The following SF3B1 variants were observed in gnomAD, a reference collection of about 807,000 sequenced individuals.
SF3B1 encodes the protein splicing factor 3b subunit 1.
A neutral mutation model predicts 153.8 loss-of-function variants in SF3B1; 12 were observed. The ratio of observed to expected loss-of-function variants is 0.08; its 90% CI spans 0.05 to 0.13. The LOEUF is 0.13. Ranked by LOEUF, SF3B1 falls within the 10% of genes least tolerant of loss-of-function variation. The pLI is 1.00. For missense variants in SF3B1, 513 were observed against 1,606.1 expected, an observed-to-expected ratio of 0.32 and a Z score of 11.63; for synonymous variants, 498 against 525.2, an observed-to-expected ratio of 0.95 and a Z score of 0.71.
intron 5 of SF3B1, among the ~76,000 whole-genome samples, chr2:197,418,081 C>G (rs954619018): frequency 2.6e-5 from 4 of 150,982 alleles, no homozygotes; most frequent in African/African-American, 9.7e-5. Context: ...ACTAAAAATA[C>G]AAAAATTAGC....
At chr2:197,404,512 G>A (rs1293618526) in intron 11 of SF3B1, among the ~76,000 whole-genome samples, 2 of 152,034 alleles carry the variant, frequency 1.3e-5, no homozygotes, top group Non-Finnish European at 2.9e-5. Context: ...AAGAGGCGGA[G>A]GTTGCAGTGA....
At chr2:197,425,338 C>T (rs891238390) in intron 1 of SF3B1, among the ~76,000 whole-genome samples, 1 of 152,066 alleles carries the variant, frequency 6.6e-6, no homozygotes, top group African/African-American at 2.4e-5. Flanking sequence ...TGGTGGCAGG[C>T]GCCTGTAATC....
intron 22 of SF3B1, among the ~76,000 whole-genome samples, chr2:197,396,535 ACT>A (rs1339866829): frequency 6.6e-6 from 1 of 152,154 alleles, no homozygotes; most frequent in Admixed American, 6.5e-5. Context: ...AAAAAAGTTG[ACT>A]CTGAGAAGAT....
intron 22 of SF3B1, 69 bp downstream of exon 22, chr2:197,397,916 G>A (rs1451042940): frequency 8.4e-7 from 1 of 1,185,244 alleles, no homozygotes; most frequent in African/African-American, 1.5e-5. Context: ...CTACATGGAA[G>A]TATTTTCCAA....
At chr2:197,416,614 A>T in intron 6 of SF3B1, 127 bp downstream of exon 6, 2 of 796,994 alleles carry the variant, frequency 2.5e-6, no homozygotes, top group Non-Finnish European at 1.9e-6. Context: ...ACTGCGAAAA[A>T]AATCAATGTC....
In SF3B1 at chr2:197,390,311, T is replaced by C. The variant is rs564524278; in HGVS notation, c.*1992A>G. ...AAACGTAGGCTACTAAGTACTTGAA[T>C]TGAAAATACAACTAAAATTTCCTGA... On this transcript the variant is annotated 3_prime_UTR_variant, in exon 25 of 25. Transcript: ENST00000335508. The C allele has an allele frequency of 7.9e-5, 12 of 152,342 alleles. No homozygotes were observed. The South Asian group carries it at 1.4e-3, about 18-fold the overall frequency. 9.4% of individuals were successfully genotyped at this position (152,342 alleles called of 1,614,324 possible). A position where few individuals can be genotyped will look rare whatever the true frequency, so the allele number is the denominator to read the frequency against.
In SF3B1 at chr2:197,423,798, T is replaced by G. The variant is rs1559277546; in HGVS notation, c.195+10A>C. The G allele has an allele frequency of 6.2e-7, 1 of 1,611,888 alleles. No individual in the cohort carries two copies. ...AAATAACTGCCTCTTGTACATAATT[T>G]GTAACTTACATCTTCAAGTTCAGTT... On this transcript the variant is annotated intron_variant, in intron 2 of 24. Transcript: ENST00000335508.
chr2:197,410,928 G>GATGAGAGGT (rs2085058385), intron 6 of SF3B1, among the ~76,000 whole-genome samples: 1 of 152,136 alleles, frequency 6.6e-6, no homozygotes, highest in African/African-American at 2.4e-5. Context: ...AATGAAAAAA[G>GATGAGAGGT]ATGAGAGGTG....
chr2:197,433,877 C>T (rs1041910072), intron 1 of SF3B1, among the ~76,000 whole-genome samples: 2 of 152,244 alleles, frequency 1.3e-5, no homozygotes, highest in Non-Finnish European at 2.9e-5. Flanking sequence ...CCTTTTAAAA[C>T]ACGGTCATGT....
chr2:197,421,182 A>G, intron 2 of SF3B1, 49 bp from the exon 3 acceptor site: 1 of 1,183,046 alleles, frequency 8.5e-7, no homozygotes, highest in South Asian at 1.2e-5. Flanking sequence ...TTAGAACTTA[A>G]AAATTAGAAA....
At chr2:197,421,921 T>C (rs1017658815) in intron 2 of SF3B1, among the ~76,000 whole-genome samples, 40 of 152,182 alleles carry the variant, frequency 2.6e-4, no homozygotes, top group African/African-American at 8.9e-4. Context: ...GCGAAGGCTA[T>C]AGTGAGGCAT....
chr2:197,403,039 AAAAAGAG>A lies in SF3B1; in HGVS notation c.1720-11_1720-5del, dbSNP rs1188847196. 6.6e-7 allele frequency: 1 copy of A among 1,521,128 alleles called. No individual in the cohort carries two copies. The allele number at this position is 1,521,128 out of a possible 1,614,324, so 94.2% of individuals were successfully genotyped here. A position where few individuals can be genotyped will look rare whatever the true frequency, so the allele number is the denominator to read the frequency against. ...GCGGTTCAATGACCACGAGGATCTG[AAAAAGAG>A]AAAAGAGAAGAAGCTACACTTTCAC... On this transcript the variant is annotated splice_polypyrimidine_tract_variant and splice_region_variant and intron_variant, in intron 12 of 24. Coordinates refer to ENST00000335508, the MANE Select transcript of SF3B1 (RefSeq NM_012433.4).
rs2084927904 is a variant in SF3B1 at position 197,400,580 on chromosome 2, T to C, written c.2718+135A>G. On this transcript the variant is annotated intron_variant, in intron 18 of 24. Transcript: ENST00000335508. The surrounding 1 kb of genome is among the most constrained non-coding windows in gnomAD (Gnocchi z 5.0). ...TCTTAAAACTTGAGGTAGAATAATA[T>C]CGTTTGGTAACCCCCTGAGCATTTT... 3 of 1,001,098 alleles carry C rather than the reference T, an allele frequency of 3.0e-6. No homozygotes were observed. Among genetic ancestry groups the C allele is most frequent in the Admixed American group, 2.8e-5 (1 of 35,980 alleles). The allele number at this position is 1,001,098 out of a possible 1,614,324, so 62.0% of individuals were successfully genotyped here. A position where few individuals can be genotyped will look rare whatever the true frequency, so the allele number is the denominator to read the frequency against.
At chr2:197,431,605 G>T (rs1043028763) in intron 1 of SF3B1, among the ~76,000 whole-genome samples, 1 of 152,084 alleles carries the variant, frequency 6.6e-6, no homozygotes, top group Non-Finnish European at 1.5e-5. Flanking sequence ...TGGTCCCTAA[G>T]TGATATCTAC....
rs763149798 is a variant in SF3B1, at chr2:197,402,767, C to G, written c.1866G>C (p.Glu622Asp). The G allele has an allele frequency of 3.1e-6, 5 of 1,613,944 alleles. No homozygotes were observed. The highest frequency in any genetic ancestry group is 4.2e-6 in the Non-Finnish European group (5 of 1,179,980). Reference sequence around the variant, plus strand: ...CTCTAGCTGTTGTGTTACGGACATACTCATCCATGTTATCTATATCAGGTC... The same window carrying G: ...CTCTAGCTGTTGTGTTACGGACATAGTCATCCATGTTATCTATATCAGGTC... ...TMRPDIDNMD[E>D]YVRNTTARAF... Residue 622 changes from glutamate (E) to aspartate (D), a missense_variant, in exon 14 of 25, where the codon GAG (glutamate) becomes GAC (aspartate). By Grantham distance (45) the Glu-to-Asp change is conservative (BLOSUM62 2). Transcript: ENST00000335508. This position sits in a 1 kb window ranked among gnomAD's most constrained non-coding sequence, Gnocchi z 4.6.
chr2:197,412,970 CAAA>C (rs779446735), intron 6 of SF3B1, among the ~76,000 whole-genome samples: 3,337 of 45,192 alleles, frequency 0.074, 113 homozygotes, highest in African/African-American at 0.21. Context: ...ACTGTTGTCT[CAAA>C]AAAAAAAAAA....
chr2:197,427,930 AT>A (rs1166135148), intron 1 of SF3B1, among the ~76,000 whole-genome samples: 1 of 151,934 alleles, frequency 6.6e-6, no homozygotes, highest in Non-Finnish European at 1.5e-5. Flanking sequence ...GAGTCAGAGA[AT>A]TGCTTGAACC....
intron 12 of SF3B1, 40 bp from the exon 13 acceptor site, chr2:197,403,075 A>C: frequency 7.3e-7 from 1 of 1,365,906 alleles, no homozygotes; most frequent in Non-Finnish European, 1.0e-6. Flanking sequence ...CTTTCACATC[A>C]ATTACTGATG....
intron 9 of SF3B1, among the ~76,000 whole-genome samples, chr2:197,406,026 C>A (rs986549171): frequency 4.6e-5 from 7 of 151,062 alleles, no homozygotes; most frequent in Admixed American, 4.0e-4. Context: ...CCTGATCAAA[C>A]CTTTTGCAAA....
Sources: allele counts gnomAD v4.1 joint callset (sites outside exome capture counted in the v4.1 genomes callset), GRCh38; gene constraint gnomAD v4.1.1; non-coding constraint Gnocchi (gnomAD v3.1); transcripts MANE v1.5; gene names NCBI Gene and HGNC (gene_info 2026-07-23, HGNC 2026-07-21).